Variants in UBR1 observed in about 807,000 individuals in gnomAD.
UBR1 encodes E3 ubiquitin-protein ligase UBR1.
In UBR1, 102 loss-of-function variants were observed where a neutral mutation model predicts 242.1. The ratio of observed to expected loss-of-function variants is 0.42; its 90% confidence interval spans 0.36 to 0.50. The LOEUF (loss-of-function observed/expected upper bound fraction) is 0.50, where lower values mean the gene tolerates loss of function less well. Ranked by LOEUF, UBR1 falls within the 20% of genes least tolerant of loss-of-function variation. The pLI is 0.01. For missense variants in UBR1, 1,772 were observed against 2,101.8 expected, an observed-to-expected ratio of 0.84 and a Z score of 3.07; for synonymous variants, 675 against 684.8, an observed-to-expected ratio of 0.99 and a Z score of 0.22.
intron 1 of UBR1, among the ~76,000 whole-genome samples, chr15:43,095,421 C>T (rs1180566534): frequency 6.6e-6 from 1 of 151,964 alleles, no homozygotes; most frequent in Non-Finnish European, 1.5e-5. Context: ...CTGTGTCATT[C>T]CTGGGCAGCA....
chr15:43,045,587 A>C (rs2033474866), intron 14 of UBR1, among the ~76,000 whole-genome samples: 1 of 152,182 alleles, frequency 6.6e-6, no homozygotes. Context: ...TGAACTTTTA[A>C]CTAAGTGGTA....
chr15:42,953,422 G>A (rs536401916), intron 44 of UBR1, among the ~76,000 whole-genome samples: 1 of 152,282 alleles, frequency 6.6e-6, no homozygotes, highest in African/African-American at 2.4e-5. Context: ...ATAGGGTACT[G>A]ACAGCCTTTT....
intron 2 of UBR1, among the ~76,000 whole-genome samples, chr15:43,082,931 G>A (rs550986166): frequency 1.3e-5 from 2 of 152,170 alleles, no homozygotes; most frequent in South Asian, 4.1e-4. Context: ...TGTAGGTCTG[G>A]ATGTTTGGTT....
chr15:42,995,503 CAAAAAAAAA>C, intron 33 of UBR1, among the ~76,000 whole-genome samples: 1 of 94,078 alleles, frequency 1.1e-5, no homozygotes, highest in Middle Eastern at 4.9e-3. Flanking sequence ...ACTAAAAATA[CAAAAAAAAA>C]AAAAAATTAG....
intron 29 of UBR1, among the ~76,000 whole-genome samples, chr15:43,013,231 G>A (rs1054256348): frequency 4.6e-5 from 7 of 152,150 alleles, no homozygotes; most frequent in Non-Finnish European, 8.8e-5. Context: ...TTAAACAGCA[G>A]TGAAAGCTTG....
chr15:43,059,704 G>C lies in UBR1; in HGVS notation c.983C>G (p.Ser328Ter). The C allele has an allele frequency of 6.2e-7, 1 of 1,613,696 alleles. No individual in the cohort carries two copies. Among genetic ancestry groups the C allele is most frequent in the Non-Finnish European group, 8.5e-7 (1 of 1,179,902 alleles). ...AGAAAAACAGGAGGTATGCTTACTT[G>C]AATAGCTCATAATTTTGTTCATCCA... is the stretch of plus-strand genomic sequence containing the variant. ...GSWMNKIMSY[S>*]SDFRQIFCQA... The change falls in exon 8 of 47, where the codon TCA becomes TGA. Residue 328 changes from serine (S) to a stop codon, truncating the protein, a stop_gained and splice_region_variant. Transcript: ENST00000290650. LOFTEE classifies it high-confidence loss of function.
Position 43,002,483 on chromosome 15 carries a change from A to C in UBR1, c.3659+72T>G, listed in dbSNP as rs2032741396. The C allele has an allele frequency of 2.7e-5, 42 of 1,536,148 alleles. No homozygotes were observed. In the Admixed American group the frequency reaches 6.6e-4, roughly 24 times the overall value. On this transcript the variant is annotated intron_variant, in intron 32 of 46. Coordinates refer to ENST00000290650, the MANE Select transcript of UBR1 (RefSeq NM_174916.3). ...CAATCCGCCCATCTCAGTCTCCCAA[A>C]GTGCTGGGATCACAGGCCACTGCAC... is the stretch of plus-strand genomic sequence containing the variant.
At chr15:42,993,814 G>C (rs973446625) in intron 33 of UBR1, among the ~76,000 whole-genome samples, 3 of 151,870 alleles carry the variant, frequency 2.0e-5, no homozygotes, top group Non-Finnish European at 2.9e-5. Flanking sequence ...CTCCAGCCTG[G>C]GGGGCAGAGC....
At chr15:42,987,395 T>C (rs1238290087) in intron 35 of UBR1, among the ~76,000 whole-genome samples, 1 of 152,038 alleles carries the variant, frequency 6.6e-6, no homozygotes, top group Non-Finnish European at 1.5e-5. Flanking sequence ...AAACTAATGA[T>C]AGTATGTAGG....
intron 37 of UBR1, among the ~76,000 whole-genome samples, chr15:42,978,645 T>A (rs1184301129): frequency 6.6e-6 from 1 of 152,178 alleles, no homozygotes; most frequent in Non-Finnish European, 1.5e-5. Context: ...GCTCAGAAGA[T>A]TCAACATCAC....
intron 5 of UBR1, among the ~76,000 whole-genome samples, chr15:43,069,796 T>C (rs1273884204): frequency 6.6e-6 from 1 of 152,180 alleles, no homozygotes; most frequent in Non-Finnish European, 1.5e-5. Flanking sequence ...ACATAAAAAA[T>C]GACACTCAAG....
Position 42,966,400 on chromosome 15 carries a change from A to G in UBR1, c.4458-114T>C. On this transcript the variant is annotated intron_variant, in intron 40 of 46. Transcript: ENST00000290650. ...TAAACATTTAGGTAATTTATTATCC[A>G]TGCAATTTTTAAACATTTAAAACAA... 4.2e-6 allele frequency: 6 copies of G among 1,434,424 alleles called. No homozygotes were observed. The South Asian group carries it at 7.2e-5, about 17-fold the overall frequency. 88.9% of individuals were successfully genotyped at this position (1,434,424 alleles called of 1,614,324 possible).
At chr15:43,078,278 G>A (rs879748151) in intron 3 of UBR1, among the ~76,000 whole-genome samples, 11 of 152,144 alleles carry the variant, frequency 7.2e-5, no homozygotes, top group Non-Finnish European at 1.3e-4. Flanking sequence ...CATTTTTACA[G>A]AGTGGAAACC....
Position 43,003,882 on chromosome 15 carries a change from T to C in UBR1, c.3464A>G (p.Tyr1155Cys). The part of the protein sequence containing the change: ...FMDPDLAYGT[Y>C]TGSCGHVMHA... Reference sequence around the variant, plus strand: ...CATTACATGACCACAGCTTCCTGTATAAGTTCCATATGCCAAGTCTGGATC... The same window carrying C: ...CATTACATGACCACAGCTTCCTGTACAAGTTCCATATGCCAAGTCTGGATC... The change falls in exon 31 of 47, where the codon TAT becomes TGT. Residue 1155 changes from tyrosine (Y) to cysteine (C), a missense_variant. This residue lies in a region of UBR1 where 965 missense variants were observed against 1,079.7 expected (regional missense o/e 0.89). Transcript: ENST00000290650. 1 of 1,614,144 alleles carries C rather than the reference T, an allele frequency of 6.2e-7. No homozygotes were observed. Among genetic ancestry groups the C allele is most frequent in the Non-Finnish European group, 8.5e-7 (1 of 1,180,016 alleles).
intron 32 of UBR1, among the ~76,000 whole-genome samples, chr15:43,000,979 A>G (rs1032709683): frequency 6.6e-6 from 1 of 151,774 alleles, no homozygotes; most frequent in Non-Finnish European, 1.5e-5. Flanking sequence ...GATTACACGC[A>G]TGTGCCACCA....
rs115136676 is a variant in UBR1 at position 43,090,875 on chromosome 15, C to G, written c.82-4635G>C. Among the ~76,000 whole-genome samples the G allele has an allele frequency of 6.3e-3, 965 of 152,254 alleles. 12 individuals are homozygous for G. Among genetic ancestry groups the G allele is most frequent in the African/African-American group, 0.022 (902 of 41,552 alleles). On this transcript the variant is annotated intron_variant, in intron 1 of 46. Transcript: ENST00000290650. Reference sequence around the variant, plus strand: ...GGAACAGAACTAGGTATCCTAAGTCCTAAAGTTCAGTGCCCATTCTACTAA... The same window carrying G: ...GGAACAGAACTAGGTATCCTAAGTCGTAAAGTTCAGTGCCCATTCTACTAA...
chr15:43,068,841 G>A (rs1416031251), intron 5 of UBR1, among the ~76,000 whole-genome samples: 4 of 152,064 alleles, frequency 2.6e-5, no homozygotes, highest in Non-Finnish European at 5.9e-5. Context: ...AGCTGCTCTT[G>A]AACTCCTGAC....
At chr15:43,073,161 A>AAAAAAC (rs1328579883) in intron 4 of UBR1, among the ~76,000 whole-genome samples, 40 of 152,182 alleles carry the variant, frequency 2.6e-4, no homozygotes, top group African/African-American at 8.9e-4. Flanking sequence ...AAAAAAACAA[A>AAAAAAC]AAAAACAAAA....
At position 43,077,903 on chromosome 15, in the gene UBR1, AAAG is replaced by A. The variant is rs1333756632; in HGVS notation, c.418-2817_418-2815del. Among the ~76,000 whole-genome samples the A allele has an allele frequency of 2.0e-5, 3 of 152,250 alleles. No homozygotes were observed. The East Asian group carries it at 5.8e-4, about 29-fold the overall frequency. On this transcript the variant is annotated intron_variant, in intron 3 of 46. Transcript: ENST00000290650. ...CCTCAAAACTTCCTCCAAAACATAA[AAAG>A]AATAAGGAGAACACTAAAACCATAC...
Sources: allele counts gnomAD v4.1 joint callset (sites outside exome capture counted in the v4.1 genomes callset), GRCh38; gene constraint gnomAD v4.1.1; regional missense constraint gnomAD v4.1.1; transcripts MANE v1.5; gene names NCBI Gene and HGNC (gene_info 2026-07-23, HGNC 2026-07-21).